MAGI2: variants seen among roughly 807,000 people sequenced by gnomAD.
MAGI2 encodes membrane-associated guanylate kinase, WW and PDZ domain-containing protein 2.
In MAGI2, 35 loss-of-function variants were observed where a neutral mutation model predicts 133.3. The observed-to-expected ratio is 0.26, with a 90% CI of 0.20 to 0.35. The LOEUF (loss-of-function observed/expected upper bound fraction) is 0.35, where lower values mean the gene tolerates loss of function less well. Among genes scored for constraint, MAGI2 ranks in the 10% least tolerant of loss-of-function variants. The pLI is 1.00. For synonymous variants in MAGI2, 729 were observed against 710.6 expected (o/e 1.03, Z -0.41); for missense variants, 1,636 against 1,863.4 (o/e 0.88, Z 2.25).
intron 2 of MAGI2, among the ~76,000 whole-genome samples, chr7:78,723,425 C>T (rs118007140): frequency 0.045 from 6,810 of 152,208 alleles, 231 homozygotes; most frequent in Non-Finnish European, 0.069. Flanking sequence ...ATAAGTGATT[C>T]TGAAACAAGT....
At chr7:78,069,531 AAGAG>A (rs57162104) in intron 21 of MAGI2, among the ~76,000 whole-genome samples, 2 of 109,400 alleles carry the variant, frequency 1.8e-5, no homozygotes, top group African/African-American at 3.5e-5. Context: ...GATTGAAAGA[AAGAG>A]AGAGGAGAGA....
At chr7:79,072,009 G>A (rs1199762228) in intron 1 of MAGI2, among the ~76,000 whole-genome samples, 1 of 152,110 alleles carries the variant, frequency 6.6e-6, no homozygotes, top group East Asian at 1.9e-4. Context: ...GTTCCTGCTA[G>A]TACAGTCTCT....
At chr7:79,012,040 G>C (rs1391473165) in intron 1 of MAGI2, 2 of 151,374 alleles carry the variant, frequency 1.3e-5, no homozygotes, top group African/African-American at 4.9e-5. Flanking sequence ...TCTTTGTGCT[G>C]AGCTACTCTG....
intron 5 of MAGI2, among the ~76,000 whole-genome samples, chr7:78,496,664 G>C (rs1325990033): frequency 1.3e-5 from 2 of 152,196 alleles, no homozygotes; most frequent in Non-Finnish European, 2.9e-5. Flanking sequence ...AAAGAGCTCT[G>C]TGACCTTGGG....
intron 1 of MAGI2, among the ~76,000 whole-genome samples, chr7:79,139,488 T>C (rs1821917423): frequency 6.6e-6 from 1 of 152,166 alleles, no homozygotes; most frequent in Non-Finnish European, 1.5e-5. Context: ...CTCAAGCCAA[T>C]GTCTGAAGGA....
intron 1 of MAGI2, among the ~76,000 whole-genome samples, chr7:79,137,302 G>A (rs1329760429): frequency 1.3e-5 from 2 of 152,040 alleles, no homozygotes; most frequent in African/African-American, 4.8e-5. Context: ...AGGATTTATT[G>A]TTTTCATCAG....
At chr7:79,202,728 C>T (rs963059321) in intron 1 of MAGI2, among the ~76,000 whole-genome samples, 2 of 151,954 alleles carry the variant, frequency 1.3e-5, no homozygotes, top group African/African-American at 4.8e-5. Context: ...GAATTGGGCT[C>T]GCAATATGGT....
intron 1 of MAGI2, among the ~76,000 whole-genome samples, chr7:79,148,449 TCTCTCA>T (rs1198718812): frequency 1.3e-5 from 2 of 152,174 alleles, no homozygotes; most frequent in Non-Finnish European, 2.9e-5. Context: ...ATTACGGTGG[TCTCTCA>T]GCATTTAACC....
intron 13 of MAGI2, among the ~76,000 whole-genome samples, chr7:78,180,276 A>G (rs115137613): frequency 6.2e-4 from 94 of 152,294 alleles, no homozygotes; most frequent in African/African-American, 1.6e-3. Context: ...TTGTTCTTCC[A>G]GTGACTTCAG....
intron 3 of MAGI2, chr7:78,616,671 G>A (rs149864042): frequency 6.6e-6 from 1 of 152,126 alleles, no homozygotes; most frequent in Non-Finnish European, 1.5e-5. Context: ...ATCACACTTA[G>A]GACATGTGGT....
intron 2 of MAGI2, among the ~76,000 whole-genome samples, chr7:78,813,366 G>A (rs1472191442): frequency 2.0e-5 from 3 of 151,980 alleles, no homozygotes; most frequent in Non-Finnish European, 4.4e-5. Context: ...GGTTAAGCTG[G>A]GAATGTAAGA....
At chr7:79,367,943 C>G (rs1015592908) in intron 1 of MAGI2, among the ~76,000 whole-genome samples, 1 of 146,216 alleles carries the variant, frequency 6.8e-6, no homozygotes, top group Non-Finnish European at 1.5e-5. Flanking sequence ...GAATAGAGCC[C>G]CAAAGCCACA....
chr7:78,640,795 A>T (rs1810210817), intron 2 of MAGI2, among the ~76,000 whole-genome samples: 1 of 152,246 alleles, frequency 6.6e-6, no homozygotes, highest in African/African-American at 2.4e-5. Flanking sequence ...ATTTGAAAAA[A>T]CTAGAAAGGC....
chr7:79,179,226 T>A (rs1420763808), intron 1 of MAGI2, among the ~76,000 whole-genome samples: 1 of 151,988 alleles, frequency 6.6e-6, no homozygotes, highest in Admixed American at 6.6e-5. Context: ...CCTTCAGTTG[T>A]TAAAAATTGT....
chr7:78,780,208 G>A (rs1301392752), intron 2 of MAGI2, among the ~76,000 whole-genome samples: 3 of 152,180 alleles, frequency 2.0e-5, no homozygotes, highest in Non-Finnish European at 4.4e-5. Flanking sequence ...TTTTTGTAGA[G>A]TAAATATGCC....
At chr7:78,584,434 A>G (rs1259774598) in intron 3 of MAGI2, among the ~76,000 whole-genome samples, 8 of 123,244 alleles carry the variant, frequency 6.5e-5, no homozygotes, top group Non-Finnish European at 1.1e-4. Context: ...AAAAAAAAAA[A>G]AAAAAAAAAA....
At position 78,019,133 on chromosome 7, in the gene MAGI2, T is replaced by C; in HGVS notation, c.*182A>G. 2 of 658,316 alleles carry C rather than the reference T, an allele frequency of 3.0e-6. No homozygotes were observed. Among genetic ancestry groups the C allele is most frequent in the Non-Finnish European group, 5.0e-6 (2 of 399,918 alleles). The allele number at this position is 658,316 out of a possible 1,614,324, so 40.8% of individuals were successfully genotyped here. ...GGGGGCTTTAGGATCAGTTTAGGTC[T>C]GCGCGTTGATGCGATGCCGCCCAAG... On this transcript the variant is annotated 3_prime_UTR_variant, in exon 22 of 22. Transcript: ENST00000354212.
chr7:79,043,011 A>G (rs1811816370), intron 1 of MAGI2, among the ~76,000 whole-genome samples: 1 of 152,140 alleles, frequency 6.6e-6, no homozygotes, highest in African/African-American at 2.4e-5. Flanking sequence ...TAAGTCAGAA[A>G]TCAATAAATT....
intron 20 of MAGI2, among the ~76,000 whole-genome samples, 199 bp downstream of exon 20, chr7:78,125,495 G>A (rs1447332252): frequency 2.0e-5 from 3 of 152,054 alleles, no homozygotes; most frequent in South Asian, 2.1e-4. Context: ...CAATTAGAAG[G>A]TCATAAGCAG....
Sources: gnomAD v4.1 joint callset for allele counts (sites outside exome capture counted in the v4.1 genomes callset) on GRCh38, gnomAD v4.1.1 for gene constraint, MANE v1.5 for transcripts, NCBI Gene and HGNC (gene_info 2026-07-23, HGNC 2026-07-21) for gene names.